MAN1A2: variants seen among roughly 807,000 people sequenced by gnomAD.
MAN1A2 encodes mannosyl-oligosaccharide 1,2-alpha-mannosidase IB.
In MAN1A2, 26 loss-of-function variants were observed where a neutral mutation model predicts 75.7. That is an observed-to-expected ratio of 0.34 (90% confidence interval 0.25 to 0.48). MAN1A2 has a LOEUF of 0.48. Ranked by LOEUF, MAN1A2 falls within the 20% of genes least tolerant of loss-of-function variation. The pLI is 0.99. For missense variants in MAN1A2, 562 were observed against 775.5 expected (o/e 0.72, Z 3.27); for synonymous variants, 247 against 264.6 (o/e 0.93, Z 0.65).
At chr1:117,504,707 C>T (rs75775579) in intron 12 of MAN1A2, among the ~76,000 whole-genome samples, 3 of 151,384 alleles carry the variant, frequency 2.0e-5, no homozygotes, top group African/African-American at 2.4e-5. Flanking sequence ...TGGTTGTCAT[C>T]GTCTCTTTAG....
intron 8 of MAN1A2, among the ~76,000 whole-genome samples, chr1:117,473,943 G>A (rs1650238004): frequency 6.6e-6 from 1 of 151,974 alleles, no homozygotes; most frequent in South Asian, 2.1e-4. Flanking sequence ...TCAGGAAATA[G>A]GAAAGAACAT....
intron 1 of MAN1A2, among the ~76,000 whole-genome samples, chr1:117,370,833 G>A (rs1022094758): frequency 6.6e-6 from 1 of 151,246 alleles, no homozygotes; most frequent in Non-Finnish European, 1.5e-5. Flanking sequence ...AATAAGTCAT[G>A]GTCACCATTT....
intron 3 of MAN1A2, among the ~76,000 whole-genome samples, chr1:117,414,232 T>C (rs979611047): frequency 6.6e-6 from 1 of 151,544 alleles, no homozygotes; most frequent in East Asian, 1.9e-4. Flanking sequence ...GTTGTACATT[T>C]ATTATTATTT....
intron 7 of MAN1A2, among the ~76,000 whole-genome samples, chr1:117,463,276 A>C (rs1469909105): frequency 6.6e-6 from 1 of 152,082 alleles, no homozygotes; most frequent in African/African-American, 2.4e-5. Context: ...AATGAGACAT[A>C]AGTCTGCTTC....
At chr1:117,442,165 G>T in intron 5 of MAN1A2, 66 bp from the exon 6 acceptor site, 1 of 1,003,514 alleles carries the variant, frequency 1.0e-6, no homozygotes, top group South Asian at 1.3e-5. Context: ...TACTATGAGA[G>T]AGAGAGCAAT....
chr1:117,383,201 T>G (rs180720388), intron 1 of MAN1A2, among the ~76,000 whole-genome samples: 180 of 152,278 alleles, frequency 1.2e-3, no homozygotes, highest in Middle Eastern at 0.01. Flanking sequence ...GTTGAGGAAA[T>G]TCTCTTCTAT....
intron 5 of MAN1A2, among the ~76,000 whole-genome samples, chr1:117,438,727 G>A (rs577557295): frequency 1.4e-4 from 21 of 152,164 alleles, no homozygotes; most frequent in Non-Finnish European, 2.8e-4. Flanking sequence ...TACAACGTTC[G>A]ATACAGTAAC....
In MAN1A2 at chr1:117,524,104, G is replaced by GT. The variant is rs1380024326; in HGVS notation, c.*1154dup. On this transcript the variant is annotated 3_prime_UTR_variant, in exon 13 of 13. Coordinates refer to ENST00000356554, the MANE Select transcript of MAN1A2 (RefSeq NM_006699.5). ...AGTGAGTTGTTCACAGATATTTTAT[G>GT]TTTTTTTAATTTTCTCCAAGAATAT... The GT allele has an allele frequency of 2.0e-5, 3 of 151,984 alleles. No homozygotes were observed. Among genetic ancestry groups the GT allele is most frequent in the Non-Finnish European group, 4.4e-5 (3 of 67,734 alleles). 9.4% of individuals were successfully genotyped at this position (151,984 alleles called of 1,614,324 possible). A position where few individuals can be genotyped will look rare whatever the true frequency, so the allele number is the denominator to read the frequency against.
intron 8 of MAN1A2, among the ~76,000 whole-genome samples, chr1:117,479,581 C>T (rs558218256): frequency 6.6e-6 from 1 of 151,994 alleles, no homozygotes; most frequent in South Asian, 2.1e-4. Flanking sequence ...AAAAGCATCC[C>T]TTTTTCTCTG....
chr1:117,379,652 CT>C (rs1220202660), intron 1 of MAN1A2, among the ~76,000 whole-genome samples: 3 of 152,268 alleles, frequency 2.0e-5, no homozygotes, highest in Admixed American at 6.5e-5. Context: ...CTGCTTCCCC[CT>C]AGCCTCTGAC....
intron 9 of MAN1A2, chr1:117,495,035 G>A (rs766470286): frequency 2.0e-5 from 3 of 150,780 alleles, no homozygotes; most frequent in Non-Finnish European, 4.4e-5. Flanking sequence ...AAACTATTTT[G>A]ACTTTTGCTT....
chr1:117,435,175 TA>T (rs1296488265), intron 5 of MAN1A2, among the ~76,000 whole-genome samples: 4 of 151,966 alleles, frequency 2.6e-5, no homozygotes, highest in Non-Finnish European at 5.9e-5. Flanking sequence ...TGACTGGAGA[TA>T]TAAGTTTGGG....
At chr1:117,468,151 T>TA (rs1253066675) in intron 8 of MAN1A2, among the ~76,000 whole-genome samples, 1 of 152,054 alleles carries the variant, frequency 6.6e-6, no homozygotes, top group Admixed American at 6.6e-5. Context: ...TCAGAAAACT[T>TA]ACAATCATGG....
chr1:117,428,684 T>C (rs1343194821), intron 5 of MAN1A2, among the ~76,000 whole-genome samples: 1 of 151,016 alleles, frequency 6.6e-6, no homozygotes, highest in East Asian at 1.9e-4. Flanking sequence ...AAAAGATACA[T>C]AGTATATGAA....
At chr1:117,491,669 T>C (rs971684858) in intron 8 of MAN1A2, among the ~76,000 whole-genome samples, 1 of 152,116 alleles carries the variant, frequency 6.6e-6, no homozygotes, top group African/African-American at 2.4e-5. Flanking sequence ...CCATATATAG[T>C]GATTCCTCTG....
intron 5 of MAN1A2, among the ~76,000 whole-genome samples, chr1:117,441,905 GTT>G: frequency 6.6e-6 from 1 of 152,182 alleles, no homozygotes; most frequent in East Asian, 1.9e-4. Context: ...AACTAAACCT[GTT>G]TACCTTGGAT....
intron 8 of MAN1A2, among the ~76,000 whole-genome samples, chr1:117,485,959 C>T (rs895167956): frequency 1.3e-5 from 2 of 151,920 alleles, no homozygotes; most frequent in African/African-American, 4.8e-5. Context: ...GAATTAGTGA[C>T]AATTAGGTCT....
intron 1 of MAN1A2, among the ~76,000 whole-genome samples, chr1:117,383,629 CTT>C (rs766908339): frequency 1.3e-5 from 2 of 152,120 alleles, no homozygotes; most frequent in Non-Finnish European, 2.9e-5. Flanking sequence ...GATTCAGTCT[CTT>C]TACCTGATTC....
chr1:117,381,431 C>T (rs113479202), intron 1 of MAN1A2, among the ~76,000 whole-genome samples: 21,512 of 151,800 alleles, frequency 0.14, 1,743 homozygotes, highest in South Asian at 0.22. Context: ...TGAGAACATG[C>T]GGTGTTTGGT....
Sources: allele counts gnomAD v4.1 joint callset (sites outside exome capture counted in the v4.1 genomes callset), GRCh38; gene constraint gnomAD v4.1.1; transcripts MANE v1.5; gene names NCBI Gene and HGNC (gene_info 2026-07-23, HGNC 2026-07-21).